The following NCAPD3 variants were observed in gnomAD, a reference collection of about 807,000 sequenced individuals.
NCAPD3 encodes the protein non-SMC condensin II complex subunit D3, also known as condensin-2 complex subunit D3.
Under a neutral mutation model 182.9 loss-of-function variants are expected in NCAPD3, and 105 were observed. That is an observed-to-expected ratio of 0.57 (90% CI 0.49 to 0.68). NCAPD3 has a LOEUF of 0.68. NCAPD3 is among the 30% of genes least tolerant of loss of function. NCAPD3 has a pLI of 0.00. For synonymous variants in NCAPD3, 815 were observed against 679.9 expected, an observed-to-expected ratio of 1.20 and a Z score of -3.09; for missense variants, 1,944 against 1,837.0, an observed-to-expected ratio of 1.06 and a Z score of -1.07.
At chr11:134,194,213 G>A in intron 14 of NCAPD3, 63 bp from the exon 15 acceptor site, 6 of 1,512,856 alleles carry the variant, frequency 4.0e-6, no homozygotes, top group Non-Finnish European at 5.4e-6. Flanking sequence ...AAGATAAACT[G>A]TTAACAAAGG....
intron 32 of NCAPD3, 162 bp from the exon 33 acceptor site, chr11:134,153,525 C>A: frequency 1.4e-6 from 1 of 713,104 alleles, no homozygotes; most frequent in Non-Finnish European, 2.5e-6. Flanking sequence ...GTGTTGAGGG[C>A]CCCTCCTGGG....
At chr11:134,160,908 G>A (rs573637385) in intron 28 of NCAPD3, among the ~76,000 whole-genome samples, 6 of 151,706 alleles carry the variant, frequency 4.0e-5, no homozygotes, top group African/African-American at 1.5e-4. Context: ...TTTTTCTTAA[G>A]TGTTTAAGTA....
At chr11:134,209,608 C>G (rs1250152267) in intron 4 of NCAPD3, 131 bp from the exon 5 acceptor site, 1 of 810,596 alleles carries the variant, frequency 1.2e-6, no homozygotes, top group Admixed American at 2.8e-5. Context: ...ATGACTTTGA[C>G]CAGGTCGCAT....
At chr11:134,183,848 G>T (rs1944345591) in intron 19 of NCAPD3, among the ~76,000 whole-genome samples, 1 of 152,204 alleles carries the variant, frequency 6.6e-6, no homozygotes, top group African/African-American at 2.4e-5. Context: ...AACACAGGAA[G>T]GTAGTTGGGG....
In NCAPD3 at chr11:134,194,127, G is replaced by A. The variant is rs367871096; in HGVS notation, c.1713C>T (p.His571=). Residue 571 remains histidine (H), a synonymous_variant, in exon 15 of 35, where the codon CAC becomes CAT. Coordinates refer to ENST00000534548, the MANE Select transcript of NCAPD3 (RefSeq NM_015261.3). ...CTTCCTTCATGCCTGAGACATCACA[G>A]TGTTTCAAAATACTCACTAATACCT... ...ALQVLVSILK[H]CDVSGMKEDL... is the part of the protein sequence containing the mutation. The A allele has an allele frequency of 2.5e-6, 4 of 1,614,130 alleles. No homozygotes were observed. The highest frequency in any genetic ancestry group is 3.4e-6 in the Non-Finnish European group (4 of 1,179,994).
chr11:134,184,776 G>C (rs370847913), intron 18 of NCAPD3, 24 bp from the exon 19 acceptor site: 153 of 1,558,160 alleles, frequency 9.8e-5, no homozygotes, highest in Non-Finnish European at 1.2e-4. Context: ...CAAAACCCCT[G>C]AAGTTCAACT....
In NCAPD3 at chr11:134,151,844, T is replaced by TATCAATC. The variant is rs10665918; in HGVS notation, c.*1093_*1099dup. ...GGTTAGGCATGCACACTAAAAATGC[T>TATCAATC]ATCAATCACCCATCCACCAGGGAAG... On this transcript the variant is annotated 3_prime_UTR_variant, in exon 35 of 35. Transcript: ENST00000534548. 1 of 151,798 alleles carries TATCAATC rather than the reference T, an allele frequency of 6.6e-6. No individual in the cohort carries two copies. The highest frequency in any genetic ancestry group is 1.5e-5 in the Non-Finnish European group (1 of 67,932). 9.4% of individuals were successfully genotyped at this position (151,798 alleles called of 1,614,324 possible).
chr11:134,208,830 A>G (rs1239459933), intron 7 of NCAPD3, 34 bp downstream of exon 7: 3 of 1,473,432 alleles, frequency 2.0e-6, no homozygotes, highest in South Asian at 2.3e-5. Context: ...CTTCGATTCA[A>G]CTAGTAACCA....
chr11:134,173,707 CT>C, intron 24 of NCAPD3: 1 of 153,036 alleles, frequency 6.5e-6, no homozygotes, highest in Non-Finnish European at 1.5e-5. Context: ...CCACTGGTAC[CT>C]TTTCCCACCC....
At position 134,181,149 on chromosome 11, in the gene NCAPD3, G is replaced by C. The variant is rs1383156839; in HGVS notation, c.2487C>G (p.Ser829=). The C allele has an allele frequency of 1.2e-6, 2 of 1,614,050 alleles. No individual in the cohort carries two copies. Among genetic ancestry groups the C allele is most frequent in the African/African-American group, 2.7e-5 (2 of 75,022 alleles). ...LLTQVCGDVL[S]TCEHRLSNIV... is the part of the protein sequence containing the mutation. ...TGTTGGAGAGGCGGTGCTCGCAGGT[G>C]GAGAGTACATCCCCACACACCTGCG... Residue 829 remains serine, a synonymous_variant, in exon 20 of 35, where the codon TCC becomes TCG. Transcript: ENST00000534548.
chr11:134,168,668 CT>C, intron 25 of NCAPD3, 66 bp from the exon 26 acceptor site: 3 of 1,593,610 alleles, frequency 1.9e-6, no homozygotes, highest in Admixed American at 3.4e-5. Context: ...TAACACTGCA[CT>C]TTAACTGCAT....
chr11:134,203,373 A>C (rs1410903823), intron 11 of NCAPD3, among the ~76,000 whole-genome samples, 175 bp from the exon 12 acceptor site: 1 of 152,244 alleles, frequency 6.6e-6, no homozygotes, highest in Non-Finnish European at 1.5e-5. Context: ...ATTCATCCTA[A>C]TACGACCAAT....
chr11:134,183,186 GCCT>G (rs1343214500), intron 19 of NCAPD3: 2 of 456,208 alleles, frequency 4.4e-6, no homozygotes, highest in South Asian at 3.1e-5. Context: ...AAAGTCAGAG[GCCT>G]TAGTTCTAGT....
chr11:134,209,621 CTGTT>C (rs1937751951), intron 4 of NCAPD3, 144 bp from the exon 5 acceptor site: 9 of 696,024 alleles, frequency 1.3e-5, no homozygotes, highest in Non-Finnish European at 1.9e-5. Context: ...GGTCGCATGA[CTGTT>C]CTAGGTCTCC....
At chr11:134,182,961 C>G (rs935666528) in intron 19 of NCAPD3, 1 of 338,240 alleles carries the variant, frequency 3.0e-6, no homozygotes, top group Non-Finnish European at 5.9e-6. Flanking sequence ...CCGTGGCGGT[C>G]TTTGCTAATG....
chr11:134,192,576 A>T, intron 16 of NCAPD3, 113 bp downstream of exon 16: 1 of 859,358 alleles, frequency 1.2e-6, no homozygotes, highest in Non-Finnish European at 1.8e-6. Flanking sequence ...TAATCTTCAC[A>T]TACACTAAGT....
At chr11:134,191,614 T>G (rs1191884062) in intron 16 of NCAPD3, among the ~76,000 whole-genome samples, 1 of 152,200 alleles carries the variant, frequency 6.6e-6, no homozygotes, top group Non-Finnish European at 1.5e-5. Context: ...TTCATTACAT[T>G]AACATGAATT....
intron 14 of NCAPD3, 31 bp downstream of exon 14, chr11:134,194,632 TTA>T: frequency 6.7e-7 from 1 of 1,499,152 alleles, no homozygotes; most frequent in Non-Finnish European, 9.1e-7. Context: ...TTTTTAGTGC[TTA>T]AAAAAAAAAA....
intron 2 of NCAPD3, among the ~76,000 whole-genome samples, chr11:134,219,946 C>T (rs1591868495): frequency 6.6e-6 from 1 of 152,010 alleles, no homozygotes; most frequent in East Asian, 1.9e-4. Context: ...CAGAAGCCCG[C>T]CACCACAACC....
Sources: gnomAD v4.1 joint callset for allele counts (sites outside exome capture counted in the v4.1 genomes callset) on GRCh38, gnomAD v4.1.1 for gene constraint, MANE v1.5 for transcripts, NCBI Gene and HGNC (gene_info 2026-07-23, HGNC 2026-07-21) for gene names.